The following IFNG-AS1 variants were observed in gnomAD, a reference collection of about 807,000 sequenced individuals.
IFNG-AS1 encodes the protein IFNG regulatory antisense RNA 1.
At chr12:68,015,280 T>C (rs1880124713) in intron 3 of IFNG-AS1, among the ~76,000 whole-genome samples, 1 of 152,064 alleles carries the variant, frequency 6.6e-6, no homozygotes, top group Admixed American at 6.5e-5. Context: ...AGGAGGGATG[T>C]GGGGTCACAT....
chr12:68,012,149 G>A (rs540116404), intron 3 of IFNG-AS1, among the ~76,000 whole-genome samples: 4 of 152,162 alleles, frequency 2.6e-5, no homozygotes, highest in South Asian at 2.1e-4. Context: ...ACTAGATTGC[G>A]GTTTACAGGT....
intron 4 of IFNG-AS1, chr12:68,020,838 A>G (rs913161215): frequency 5.3e-5 from 8 of 152,230 alleles, no homozygotes; most frequent in African/African-American, 1.7e-4. Context: ...TAAAGGGACA[A>G]GTAACTGCAC....
intron 3 of IFNG-AS1, among the ~76,000 whole-genome samples, chr12:68,012,563 T>C (rs1274563650): frequency 6.6e-6 from 1 of 152,204 alleles, no homozygotes; most frequent in Non-Finnish European, 1.5e-5. Context: ...ACACTTTTCA[T>C]AAGAATTCAT....
chr12:67,994,177 C>T (rs969923027), intron 1 of IFNG-AS1, among the ~76,000 whole-genome samples: 1 of 152,216 alleles, frequency 6.6e-6, no homozygotes, highest in Admixed American at 6.5e-5. Flanking sequence ...GGCTAAAGAA[C>T]TCAGTTGCAC....
chr12:68,016,887 G>A (rs1880167374), intron 3 of IFNG-AS1, among the ~76,000 whole-genome samples: 1 of 152,134 alleles, frequency 6.6e-6, no homozygotes, highest in African/African-American at 2.4e-5. Flanking sequence ...GCCATGCCCT[G>A]GGCTAGGCAT....
At chr12:68,018,060 T>C (rs887821110) in intron 3 of IFNG-AS1, among the ~76,000 whole-genome samples, 2 of 152,138 alleles carry the variant, frequency 1.3e-5, no homozygotes, top group Non-Finnish European at 2.9e-5. Context: ...CTATTTGTTA[T>C]TCAGAGATAG....
In IFNG-AS1 at chr12:68,003,730, C is replaced by T. The variant is rs146472357; in HGVS notation, n.185-2360C>T. On this transcript the variant is annotated intron_variant and non_coding_transcript_variant, in intron 2 of 5. Coordinates refer to ENST00000536914, the Ensembl canonical transcript of IFNG-AS1. ...GAGATCGAGACCATCTTGGCTAACACGGCAAAACCCCGTCTCTACTAAAAA... is the reference window on the plus strand; with the variant it reads ...GAGATCGAGACCATCTTGGCTAACATGGCAAAACCCCGTCTCTACTAAAAA... 6.5e-3 allele frequency among the ~76,000 whole-genome samples: 983 copies of T among 152,060 alleles called. 15 individuals carry two copies. The highest frequency in any genetic ancestry group is 0.022 in the African/African-American group (901 of 41,494).
chr12:68,013,412 T>C (rs1880076475), intron 3 of IFNG-AS1: 1 of 152,224 alleles, frequency 6.6e-6, no homozygotes, highest in Non-Finnish European at 1.5e-5. Context: ...CTTTAACAGA[T>C]GAATGTGCAA....
intron 1 of IFNG-AS1, among the ~76,000 whole-genome samples, chr12:67,994,204 C>A (rs1223398986): frequency 6.6e-6 from 1 of 152,248 alleles, no homozygotes; most frequent in African/African-American, 2.4e-5. Flanking sequence ...ACAGTGACAA[C>A]AAGCTTCCTG....
chr12:68,006,624 T>C (rs942179105), intron 3 of IFNG-AS1, among the ~76,000 whole-genome samples: 2 of 152,198 alleles, frequency 1.3e-5, no homozygotes, highest in East Asian at 3.9e-4. Context: ...CTCAAATCAG[T>C]TGAAAAGTTC....
intron 2 of IFNG-AS1, among the ~76,000 whole-genome samples, chr12:67,999,745 C>T (rs1378508056): frequency 2.0e-5 from 3 of 152,070 alleles, no homozygotes; most frequent in African/African-American, 4.8e-5. Flanking sequence ...CACTAGTTGG[C>T]GATGAGTGGG....
intron 3 of IFNG-AS1, among the ~76,000 whole-genome samples, chr12:68,006,929 A>T (rs1344626627): frequency 1.3e-5 from 2 of 152,266 alleles, no homozygotes; most frequent in African/African-American, 4.8e-5. Flanking sequence ...ACCCATGGAA[A>T]CTGTGAAATA....
intron 2 of IFNG-AS1, among the ~76,000 whole-genome samples, chr12:68,004,306 T>C (rs1200127466): frequency 6.6e-6 from 1 of 152,218 alleles, no homozygotes; most frequent in Non-Finnish European, 1.5e-5. Context: ...ATGATGCATT[T>C]ACTTTTGCAT....
At chr12:68,010,074 A>C (rs1039076398) in intron 3 of IFNG-AS1, among the ~76,000 whole-genome samples, 4 of 152,124 alleles carry the variant, frequency 2.6e-5, no homozygotes, top group Admixed American at 1.3e-4. Flanking sequence ...TTACCACTAC[A>C]CCCAAGGGAC....
At chr12:67,996,785 C>T (rs184792270) in intron 2 of IFNG-AS1, among the ~76,000 whole-genome samples, 8 of 152,272 alleles carry the variant, frequency 5.3e-5, no homozygotes, top group Non-Finnish European at 7.4e-5. Context: ...TGACCTTAGG[C>T]AAACTTGTCA....
At chr12:67,991,536 C>T (rs142149577) in intron 1 of IFNG-AS1, among the ~76,000 whole-genome samples, 33 of 152,292 alleles carry the variant, frequency 2.2e-4, no homozygotes, top group African/African-American at 7.0e-4. Flanking sequence ...TTTCTTGCCA[C>T]CTTAATGAAT....
chr12:68,006,639 A>G (rs749804938), intron 3 of IFNG-AS1, among the ~76,000 whole-genome samples: 9 of 152,350 alleles, frequency 5.9e-5, no homozygotes, highest in African/African-American at 2.2e-4. Flanking sequence ...AAGTTCATCA[A>G]AAAGGAAGAT....
chr12:67,999,299 G>T (rs984209184), intron 2 of IFNG-AS1, among the ~76,000 whole-genome samples: 1 of 152,120 alleles, frequency 6.6e-6, no homozygotes, highest in Non-Finnish European at 1.5e-5. Flanking sequence ...TAAAAGTAAT[G>T]ACACCAGTAG....
intron 3 of IFNG-AS1, among the ~76,000 whole-genome samples, chr12:68,007,211 GACTCCATTC>G (rs764469653): frequency 1.5e-4 from 23 of 152,228 alleles, no homozygotes; most frequent in Non-Finnish European, 2.5e-4. Context: ...ATAAACACAG[GACTCCATTC>G]ATAGGATTAT....
Sources: gnomAD v4.1 joint callset for allele counts (sites outside exome capture counted in the v4.1 genomes callset) on GRCh38, gnomAD v4.1.1 for gene constraint, MANE v1.5 for transcripts, NCBI Gene and HGNC (gene_info 2026-07-23, HGNC 2026-07-21) for gene names.